KIAA0232: variants seen among roughly 807,000 people sequenced by gnomAD.
KIAA0232 encodes the protein uncharacterized protein KIAA0232.
KIAA0232 carries 27 observed loss-of-function variants against 122.0 expected under a neutral mutation model. The ratio of observed to expected loss-of-function variants is 0.22; its 90% CI spans 0.16 to 0.31. The LOEUF (loss-of-function observed/expected upper bound fraction) is 0.31. Ranked by LOEUF, KIAA0232 falls within the 10% of genes least tolerant of loss-of-function variation. The pLI, the probability that KIAA0232 is intolerant of heterozygous loss-of-function variation, is 1.00. For missense variants in KIAA0232, 1,551 were observed against 1,634.2 expected, an observed-to-expected ratio of 0.95 and a Z score of 0.88; for synonymous variants, 613 against 587.6, an observed-to-expected ratio of 1.04 and a Z score of -0.63.
At chr4:6,794,354 G>C (rs1717039760) in intron 1 of KIAA0232, among the ~76,000 whole-genome samples, 2 of 152,220 alleles carry the variant, frequency 1.3e-5, no homozygotes, top group African/African-American at 4.8e-5. Context: ...TGCTGTTGTG[G>C]TTCTGAACAT....
At chr4:6,880,120 A>C (rs1331504770) in intron 9 of KIAA0232, among the ~76,000 whole-genome samples, 7 of 25,790 alleles carry the variant, frequency 2.7e-4, no homozygotes, top group Non-Finnish European at 4.0e-4. Context: ...CCCAACACAC[A>C]GGTCTGTAGT....
chr4:6,804,224 T>G (rs1010875362), intron 1 of KIAA0232, among the ~76,000 whole-genome samples: 3 of 152,306 alleles, frequency 2.0e-5, no homozygotes, highest in Middle Eastern at 3.4e-3. Context: ...AGCAAATGTT[T>G]GTTAAATACA....
At chr4:6,835,638 C>T (rs367757691) in intron 3 of KIAA0232, among the ~76,000 whole-genome samples, 1 of 152,100 alleles carries the variant, frequency 6.6e-6, no homozygotes, top group Non-Finnish European at 1.5e-5. Context: ...TCCCAACAGG[C>T]CCCCGGTGTG....
chr4:6,786,184 G>A (rs1716611208), intron 1 of KIAA0232, among the ~76,000 whole-genome samples: 1 of 152,200 alleles, frequency 6.6e-6, no homozygotes, highest in African/African-American at 2.4e-5. Context: ...AATGTTAAAT[G>A]TAAGTGTTTA....
At chr4:6,810,981 ACT>A (rs1205554251) in intron 2 of KIAA0232, among the ~76,000 whole-genome samples, 2 of 152,152 alleles carry the variant, frequency 1.3e-5, no homozygotes, top group Non-Finnish European at 2.9e-5. Context: ...AGAAAAGGAA[ACT>A]CTTAAAGATT....
At chr4:6,815,045 T>TAAA (rs35090346) in intron 2 of KIAA0232, among the ~76,000 whole-genome samples, 1 of 147,428 alleles carries the variant, frequency 6.8e-6, no homozygotes, top group African/African-American at 2.5e-5. Flanking sequence ...AAGGGAACGT[T>TAAA]AAAAAAAAAA....
At chr4:6,819,891 A>G (rs1379036524) in intron 2 of KIAA0232, among the ~76,000 whole-genome samples, 1 of 152,236 alleles carries the variant, frequency 6.6e-6, no homozygotes, top group Non-Finnish European at 1.5e-5. Context: ...TGTGGTACAT[A>G]TATACCATGG....
In KIAA0232 at chr4:6,861,976, C is replaced by T. The variant is rs1264742155; in HGVS notation, c.1594C>T (p.Arg532Trp). 6.2e-7 allele frequency: 1 copy of T among 1,614,006 alleles called. No homozygotes were observed. Among genetic ancestry groups the T allele is most frequent in the South Asian group, 1.1e-5 (1 of 91,048 alleles). The change falls in exon 7 of 10, where the codon CGG (arginine) becomes TGG (tryptophan). Residue 532 changes from arginine (R) to tryptophan (W), a missense_variant. Physicochemically the swap from Arg to Trp is moderately radical, Grantham distance 101. Coordinates refer to ENST00000307659, the MANE Select transcript of KIAA0232 (RefSeq NM_014743.3). ...GASETMQGES[R>W]ILNMIRQKSK... ...CTCAGAAACAATGCAAGGAGAAAGT[C>T]GGATTTTGAATATGATTCGACAGAA...
chr4:6,883,729 C>T lies in KIAA0232; in HGVS notation c.*2763C>T, dbSNP rs959327861. 1.3e-5 allele frequency: 2 copies of T among 152,110 alleles called. No homozygotes were observed. The highest frequency in any genetic ancestry group is 4.8e-5 in the African/African-American group (2 of 41,430). 9.4% of individuals were successfully genotyped at this position (152,110 alleles called of 1,614,324 possible). ...TTTATATGTTAATATGATTGATATT[C>T]ATTGTGCAAAAAAAATCAGTGTGTT... is the stretch of plus-strand genomic sequence containing the variant. On this transcript the variant is annotated 3_prime_UTR_variant, in exon 10 of 10. Coordinates refer to ENST00000307659, the MANE Select transcript of KIAA0232 (RefSeq NM_014743.3).
In KIAA0232 at chr4:6,855,854, G is replaced by T; in HGVS notation, c.370-1310G>T. 1.0e-6 allele frequency: 1 copy of T among 985,368 alleles called. No homozygotes were observed. The allele number at this position is 985,368 out of a possible 1,614,324, so 61.0% of individuals were successfully genotyped here. A position where few individuals can be genotyped will look rare whatever the true frequency, so the allele number is the denominator to read the frequency against. Reference sequence around the variant, plus strand: ...CTGGTGTTGGTTTCACGATCCGAAGGAAATGGAATATAATTGCCGTCCTTG... The same window carrying T: ...CTGGTGTTGGTTTCACGATCCGAAGTAAATGGAATATAATTGCCGTCCTTG... On this transcript the variant is annotated intron_variant, in intron 4 of 9. Coordinates refer to ENST00000307659, the MANE Select transcript of KIAA0232 (RefSeq NM_014743.3). The surrounding 1 kb of genome is among the most constrained non-coding windows in gnomAD (Gnocchi z 4.3).
At chr4:6,838,403 G>T (rs901285045) in intron 3 of KIAA0232, among the ~76,000 whole-genome samples, 3 of 152,074 alleles carry the variant, frequency 2.0e-5, no homozygotes, top group Admixed American at 1.3e-4. Flanking sequence ...TGGCCAGGCT[G>T]TTCTCAAACT....
intron 9 of KIAA0232, among the ~76,000 whole-genome samples, chr4:6,880,453 A>G (rs1035957514): frequency 1.3e-5 from 2 of 151,786 alleles, no homozygotes; most frequent in Admixed American, 6.6e-5. Flanking sequence ...CGAGCCTGGC[A>G]TGCGCCTTCC....
rs377388819 is a variant in KIAA0232, at chr4:6,861,061, A to G, written c.679A>G (p.Ser227Gly). 1.9e-6 allele frequency: 3 copies of G among 1,614,096 alleles called. No homozygotes were observed. The African/African-American group carries it at 4.0e-5, about 22-fold the overall frequency. The change falls in exon 7 of 10, where the codon AGT (serine) becomes GGT (glycine). Residue 227 changes from serine (S) to glycine (G), a missense_variant. By Grantham distance (56) the Ser-to-Gly change is moderately conservative. Around this residue, in one of 5 missense-constraint regions of KIAA0232, gnomAD observed 377 missense variants for 381.7 expected, o/e 0.99. Transcript: ENST00000307659. ...TACTTCCTCTCCTAAGGACTGCAACAGTGAAAGTGAAGTCACCAAGGAAAG... is the reference window on the plus strand; with the variant it reads ...TACTTCCTCTCCTAAGGACTGCAACGGTGAAAGTGAAGTCACCAAGGAAAG... ...TDTSSPKDCN[S>G]ESEVTKERSS... is the part of the protein sequence containing the mutation.
chr4:6,881,100 CTT>C lies in KIAA0232; in HGVS notation c.*136_*137del. The C allele has an allele frequency of 1.6e-6, 1 of 634,262 alleles. No homozygotes were observed. Among genetic ancestry groups the C allele is most frequent in the Non-Finnish European group, 2.4e-6 (1 of 411,206 alleles). 39.3% of individuals were successfully genotyped at this position (634,262 alleles called of 1,614,324 possible). ...ACTGATTCAGATTGGTAATAATTAT[CTT>C]TCTCTTCTTGCTTATTTTAGAGTTG... On this transcript the variant is annotated 3_prime_UTR_variant, in exon 10 of 10. Transcript: ENST00000307659.
chr4:6,803,789 A>G (rs1483098197), intron 1 of KIAA0232, among the ~76,000 whole-genome samples: 4 of 152,116 alleles, frequency 2.6e-5, no homozygotes, highest in Non-Finnish European at 5.9e-5. Flanking sequence ...TGAGCCATAC[A>G]GTGGGTATTT....
chr4:6,837,388 G>C (rs1251642291), intron 3 of KIAA0232, among the ~76,000 whole-genome samples: 1 of 151,484 alleles, frequency 6.6e-6, no homozygotes, highest in Non-Finnish European at 1.5e-5. Flanking sequence ...TCACTTCCTA[G>C]ACGGGATGAC....
At chr4:6,873,539 A>G (rs561355735) in intron 8 of KIAA0232, among the ~76,000 whole-genome samples, 36 of 152,080 alleles carry the variant, frequency 2.4e-4, no homozygotes, top group African/African-American at 7.7e-4. Context: ...TTGCAGTGGC[A>G]TAGGATGATT....
rs1047782096 is a variant in KIAA0232 at position 6,857,350 on chromosome 4, G to A, written c.436+120G>A. 5.1e-6 allele frequency: 4 copies of A among 791,810 alleles called. 1 individual carries two copies. Among genetic ancestry groups the A allele is most frequent in the South Asian group, 4.5e-5 (2 of 44,858 alleles). The allele number at this position is 791,810 out of a possible 1,614,324, so 49.0% of individuals were successfully genotyped here. On this transcript the variant is annotated intron_variant, in intron 5 of 9. Coordinates refer to ENST00000307659, the MANE Select transcript of KIAA0232 (RefSeq NM_014743.3). ...AACCAGAACAAAGTCTTTGTGTCCA[G>A]TGTGTGTCACTAGGCCAGCCTCATG... is the stretch of plus-strand genomic sequence containing the variant.
intron 3 of KIAA0232, 142 bp downstream of exon 3, chr4:6,824,826 A>G: frequency 1.4e-6 from 1 of 712,012 alleles, no homozygotes; most frequent in Non-Finnish European, 2.4e-6. Context: ...CCAGATGGTA[A>G]GATTGCCTTG....
Sources: gnomAD v4.1 joint callset for allele counts (sites outside exome capture counted in the v4.1 genomes callset) on GRCh38, gnomAD v4.1.1 for gene constraint, gnomAD v4.1.1 regional missense constraint, Gnocchi (gnomAD v3.1) non-coding constraint, MANE v1.5 for transcripts, NCBI Gene and HGNC (gene_info 2026-07-23, HGNC 2026-07-21) for gene names.